KIRREL3: variants seen among roughly 807,000 people sequenced by gnomAD.
KIRREL3 encodes kirre like nephrin family adhesion molecule 3.
In KIRREL3, 36 loss-of-function variants were observed where a neutral mutation model predicts 89.7. That is an observed-to-expected ratio of 0.40 (90% confidence interval 0.31 to 0.53). The LOEUF is 0.53. Ranked by LOEUF, KIRREL3 falls within the 20% of genes least tolerant of loss-of-function variation. The pLI is 0.49. For missense variants in KIRREL3, 864 were observed against 1,056.6 expected (o/e 0.82, Z 2.53); for synonymous variants, 445 against 441.4 (o/e 1.01, Z -0.10).
chr11:126,538,634 G>A (rs751602647), intron 2 of KIRREL3, among the ~76,000 whole-genome samples: 27 of 152,158 alleles, frequency 1.8e-4, no homozygotes, highest in Non-Finnish European at 3.2e-4. Context: ...GGGTGATAGA[G>A]TATGTTCTGA....
At chr11:126,972,204 G>GAGAGAGAGAGAGAGAGAGAGAGAGAGAGA (rs1555110558) in intron 1 of KIRREL3, among the ~76,000 whole-genome samples, 14 of 146,530 alleles carry the variant, frequency 9.6e-5, no homozygotes, top group African/African-American at 2.3e-4. Flanking sequence ...GAGAGAGAGA[G>GAGAGAGAGAGAGAGAGAGAGAGAGAGAGA]GACTGTGCAT....
At chr11:126,846,651 C>A (rs1008931903) in intron 1 of KIRREL3, among the ~76,000 whole-genome samples, 5 of 82,172 alleles carry the variant, frequency 6.1e-5, no homozygotes, top group African/African-American at 2.6e-4. Flanking sequence ...GTATTTGAGA[C>A]TACTAAAAAC....
chr11:126,939,128 T>C (rs74328191), intron 1 of KIRREL3, among the ~76,000 whole-genome samples: 1 of 152,166 alleles, frequency 6.6e-6, no homozygotes, highest in African/African-American at 2.4e-5. Context: ...TGAGCTGCTG[T>C]GGGGGTCTGT....
At position 127,000,249 on chromosome 11, in the gene KIRREL3, C is replaced by T. The variant is rs1400173536; in HGVS notation, c.55+206G>A. Among the ~76,000 whole-genome samples the T allele has an allele frequency of 6.6e-6, 1 of 152,208 alleles. No homozygotes were observed. Among genetic ancestry groups the T allele is most frequent in the African/African-American group, 2.4e-5 (1 of 41,448 alleles). ...AAAGTCATTCCCCTCCCCTCCCATA[C>T]CCCTTCTTTCCAAAGGAAAATAAAC... On this transcript the variant is annotated intron_variant, in intron 1 of 16. Coordinates refer to ENST00000525144, the MANE Select transcript of KIRREL3 (RefSeq NM_032531.4). This position sits in a 1 kb window ranked among gnomAD's most constrained non-coding sequence, Gnocchi z 7.1.
chr11:126,538,417 C>T (rs1372546909), intron 2 of KIRREL3, among the ~76,000 whole-genome samples: 1 of 152,164 alleles, frequency 6.6e-6, no homozygotes, highest in East Asian at 1.9e-4. Flanking sequence ...AAGAAGTCAG[C>T]TCAGTGGCTC....
At chr11:126,866,885 G>A (rs1250885735) in intron 1 of KIRREL3, among the ~76,000 whole-genome samples, 2 of 152,120 alleles carry the variant, frequency 1.3e-5, no homozygotes, top group East Asian at 1.9e-4. Flanking sequence ...CCACCTTGCC[G>A]AGAACTACCT....
chr11:126,483,648 C>T (rs76074183), intron 4 of KIRREL3, among the ~76,000 whole-genome samples: 1,643 of 152,338 alleles, frequency 0.011, 26 homozygotes, highest in African/African-American at 0.037. Flanking sequence ...ATCAATTCCT[C>T]ATCATGGGGG....
At chr11:126,749,682 AATAC>A (rs1949273346) in intron 1 of KIRREL3, among the ~76,000 whole-genome samples, 1 of 152,198 alleles carries the variant, frequency 6.6e-6, no homozygotes, top group Admixed American at 6.5e-5. Context: ...CCGAGAAGAA[AATAC>A]AAAAGTCCAC....
chr11:126,899,403 A>C (rs1295510676), intron 1 of KIRREL3, among the ~76,000 whole-genome samples: 1 of 152,236 alleles, frequency 6.6e-6, no homozygotes, highest in Non-Finnish European at 1.5e-5. Flanking sequence ...TAATAGCCGT[A>C]AAAGAAAAGA....
At chr11:126,665,458 C>A (rs891362244) in intron 1 of KIRREL3, among the ~76,000 whole-genome samples, 1 of 152,154 alleles carries the variant, frequency 6.6e-6, no homozygotes, top group African/African-American at 2.4e-5. Flanking sequence ...TCCTCACCCC[C>A]GAGGTGATGC....
At position 126,424,345 on chromosome 11, in the gene KIRREL3, C is replaced by T. The variant is rs1565437541; in HGVS notation, c.*235G>A. 5.4e-6 allele frequency: 3 copies of T among 557,516 alleles called. No individual in the cohort carries two copies. The highest frequency in any genetic ancestry group is 6.1e-5 in the Admixed American group (2 of 32,560). 34.5% of individuals were successfully genotyped at this position (557,516 alleles called of 1,614,324 possible). A position where few individuals can be genotyped will look rare whatever the true frequency, so the allele number is the denominator to read the frequency against. On this transcript the variant is annotated 3_prime_UTR_variant, in exon 17 of 17. Coordinates refer to ENST00000525144, the MANE Select transcript of KIRREL3 (RefSeq NM_032531.4). ...CGGGTGTCCAGCACTAAGCACAGCG[C>T]ACTCAGCCGCAGCCTCTGTCTGTCT...
chr11:126,774,402 C>T (rs57258518), intron 1 of KIRREL3, among the ~76,000 whole-genome samples: 2,665 of 152,240 alleles, frequency 0.018, 81 homozygotes, highest in African/African-American at 0.061. Context: ...AGTGGGGCCT[C>T]CTTGGCCTTT....
At chr11:126,922,259 G>T (rs1350481464) in intron 1 of KIRREL3, among the ~76,000 whole-genome samples, 1 of 151,506 alleles carries the variant, frequency 6.6e-6, no homozygotes, top group Admixed American at 6.6e-5. Context: ...TCCTCAACTG[G>T]CCCCTCCATG....
chr11:126,679,796 G>A (rs73631574), intron 1 of KIRREL3, among the ~76,000 whole-genome samples: 3 of 152,008 alleles, frequency 2.0e-5, no homozygotes, highest in Non-Finnish European at 2.9e-5. Flanking sequence ...CCAAATAGCC[G>A]GGGTTGAAAT....
chr11:126,875,669 C>G (rs909095825), intron 1 of KIRREL3, among the ~76,000 whole-genome samples: 31 of 152,212 alleles, frequency 2.0e-4, no homozygotes, highest in African/African-American at 5.5e-4. Flanking sequence ...TTCTAGCAAG[C>G]ATTCAAAGTG....
intron 1 of KIRREL3, among the ~76,000 whole-genome samples, chr11:126,759,521 A>C (rs561165168): frequency 6.6e-6 from 1 of 152,358 alleles, no homozygotes; most frequent in East Asian, 1.9e-4. Flanking sequence ...GTATGCTCAT[A>C]GTTTTTACTG....
Position 126,676,813 on chromosome 11 carries a change from C to T in KIRREL3, c.56-113901G>A, listed in dbSNP as rs559233469. ...TTTTTTTTTCCTTTTGAGACAGAGT[C>T]TCCCTCTGCCATCTGGACTGGTATA... On this transcript the variant is annotated intron_variant, in intron 1 of 16. Transcript: ENST00000525144. This position sits in a 1 kb window ranked among gnomAD's most constrained non-coding sequence, Gnocchi z 4.5. Among the ~76,000 whole-genome samples, 1 of 151,326 alleles carries T rather than the reference C, an allele frequency of 6.6e-6. No individual in the cohort carries two copies. The highest frequency in any genetic ancestry group is 1.5e-5 in the Non-Finnish European group (1 of 67,854).
At position 126,501,351 on chromosome 11, in the gene KIRREL3, G is replaced by A. The variant is rs117802474; in HGVS notation, c.433+19964C>T. ...GTTCACATCTTTAAGAGGGGAAGACGGGGCTGCAGAGGGAGAGGAGCCAGC... is the reference window on the plus strand; with the variant it reads ...GTTCACATCTTTAAGAGGGGAAGACAGGGCTGCAGAGGGAGAGGAGCCAGC... On this transcript the variant is annotated intron_variant, in intron 4 of 16. Coordinates refer to ENST00000525144, the MANE Select transcript of KIRREL3 (RefSeq NM_032531.4). The surrounding 1 kb of genome is among the most constrained non-coding windows in gnomAD (Gnocchi z 5.8). Among the ~76,000 whole-genome samples the A allele has an allele frequency of 4.0e-4, 61 of 152,302 alleles. 3 individuals carry two copies. In the East Asian group the frequency reaches 0.011, roughly 27 times the overall value.
chr11:126,439,329 C>CA (rs919652664), intron 11 of KIRREL3, among the ~76,000 whole-genome samples: 14 of 149,946 alleles, frequency 9.3e-5, no homozygotes, highest in African/African-American at 3.2e-4. Flanking sequence ...GACTCTGTCT[C>CA]AAAAAAGAAA....
Sources: allele counts gnomAD v4.1 joint callset (sites outside exome capture counted in the v4.1 genomes callset), GRCh38; gene constraint gnomAD v4.1.1; non-coding constraint Gnocchi (gnomAD v3.1); transcripts MANE v1.5; gene names NCBI Gene and HGNC (gene_info 2026-07-23, HGNC 2026-07-21).